The following CNTNAP2 variants were observed in gnomAD, a reference collection of about 807,000 sequenced individuals.
The protein encoded by CNTNAP2 is contactin associated protein 2, also known as contactin-associated protein-like 2.
Under a neutral mutation model 155.2 loss-of-function variants are expected in CNTNAP2, and 98 were observed. The observed-to-expected ratio is 0.63, with a 90% CI of 0.54 to 0.75. CNTNAP2 has a LOEUF of 0.75. CNTNAP2 is among the 30% of genes least tolerant of loss of function. CNTNAP2 has a pLI of 0.00. For synonymous variants in CNTNAP2, 651 were observed against 631.2 expected (o/e 1.03, Z -0.47); for missense variants, 1,727 against 1,688.1 (o/e 1.02, Z -0.40).
chr7:148,118,017 A>G, intron 15 of CNTNAP2, 101 bp from the exon 16 acceptor site: 1 of 1,242,938 alleles, frequency 8.0e-7, no homozygotes, highest in Non-Finnish European at 1.2e-6. Flanking sequence ...AATAATGACT[A>G]TTGCTAATGG....
At chr7:146,367,116 A>G (rs1033634828) in intron 1 of CNTNAP2, among the ~76,000 whole-genome samples, 1 of 152,146 alleles carries the variant, frequency 6.6e-6, no homozygotes, top group East Asian at 1.9e-4. Context: ...AGGAGAGTGC[A>G]TGATTTCATC....
At chr7:147,973,032 C>T (rs1020673733) in intron 14 of CNTNAP2, among the ~76,000 whole-genome samples, 1 of 151,976 alleles carries the variant, frequency 6.6e-6, no homozygotes, top group African/African-American at 2.4e-5. Context: ...TGGCATGCAC[C>T]TGTACTCCCA....
At chr7:147,528,461 A>G (rs931307470) in intron 11 of CNTNAP2, among the ~76,000 whole-genome samples, 1 of 152,176 alleles carries the variant, frequency 6.6e-6, no homozygotes, top group Non-Finnish European at 1.5e-5. Flanking sequence ...TCTGTCTCTC[A>G]CTTGGTCTCC....
chr7:147,754,052 T>A (rs888202183), intron 13 of CNTNAP2, among the ~76,000 whole-genome samples: 1 of 151,908 alleles, frequency 6.6e-6, no homozygotes, highest in South Asian at 2.1e-4. Context: ...CTAAATACAA[T>A]ACTGAGGCAA....
chr7:147,699,071 T>A (rs1796199562), intron 13 of CNTNAP2, among the ~76,000 whole-genome samples: 1 of 151,900 alleles, frequency 6.6e-6, no homozygotes, highest in Admixed American at 6.6e-5. Flanking sequence ...CTAATTCATA[T>A]GAGAGGAAAA....
chr7:148,230,710 T>C (rs1362396541), intron 20 of CNTNAP2, among the ~76,000 whole-genome samples: 1 of 152,202 alleles, frequency 6.6e-6, no homozygotes, highest in African/African-American at 2.4e-5. Context: ...GCGTGGCCTT[T>C]AGCAGTAAAT....
intron 1 of CNTNAP2, among the ~76,000 whole-genome samples, chr7:146,308,199 T>A (rs1221040533): frequency 6.6e-6 from 1 of 152,152 alleles, no homozygotes; most frequent in East Asian, 1.9e-4. Context: ...AAAGAAGACA[T>A]TTATGCAGCC....
At chr7:146,192,337 C>T (rs564590877) in intron 1 of CNTNAP2, among the ~76,000 whole-genome samples, 2 of 152,244 alleles carry the variant, frequency 1.3e-5, no homozygotes, top group East Asian at 3.9e-4. Context: ...CAACATACTG[C>T]TAAATCAGAA....
At chr7:147,802,564 A>G (rs1798019312) in intron 13 of CNTNAP2, among the ~76,000 whole-genome samples, 1 of 152,180 alleles carries the variant, frequency 6.6e-6, no homozygotes, top group South Asian at 2.1e-4. Flanking sequence ...ACTCGCGGTT[A>G]CGAGCTGGAG....
At chr7:147,051,596 A>G (rs1799474599) in intron 4 of CNTNAP2, among the ~76,000 whole-genome samples, 1 of 152,154 alleles carries the variant, frequency 6.6e-6, no homozygotes. Flanking sequence ...ACAAGAACTA[A>G]CATTTTCAAA....
intron 1 of CNTNAP2, among the ~76,000 whole-genome samples, chr7:146,334,632 A>C (rs1584874445): frequency 6.6e-6 from 1 of 152,074 alleles, no homozygotes; most frequent in Non-Finnish European, 1.5e-5. Context: ...CAAAGATGGA[A>C]TTCTTTCTAC....
At chr7:148,241,191 A>G (rs1340595999) in intron 20 of CNTNAP2, among the ~76,000 whole-genome samples, 1 of 152,202 alleles carries the variant, frequency 6.6e-6, no homozygotes, top group Non-Finnish European at 1.5e-5. Flanking sequence ...ATCTTTTCTA[A>G]TGCAGTTTGT....
At chr7:146,603,184 G>A (rs1445521929) in intron 1 of CNTNAP2, among the ~76,000 whole-genome samples, 1 of 151,332 alleles carries the variant, frequency 6.6e-6, no homozygotes, top group Non-Finnish European at 1.5e-5. Context: ...AGACCAAGGC[G>A]GGCGGATCAT....
chr7:146,311,190 A>C (rs948970827), intron 1 of CNTNAP2, among the ~76,000 whole-genome samples: 2 of 152,214 alleles, frequency 1.3e-5, no homozygotes, highest in African/African-American at 4.8e-5. Context: ...TGTGATTTCA[A>C]ATTTTACAAA....
chr7:146,163,190 G>A (rs1304749641), intron 1 of CNTNAP2, among the ~76,000 whole-genome samples: 2 of 151,868 alleles, frequency 1.3e-5, no homozygotes, highest in Non-Finnish European at 2.9e-5. Context: ...TAACATTAAA[G>A]CAATTGAATG....
intron 15 of CNTNAP2, among the ~76,000 whole-genome samples, chr7:148,094,060 T>TA (rs1022361927): frequency 1.9e-4 from 29 of 152,164 alleles, no homozygotes; most frequent in African/African-American, 6.5e-4. Flanking sequence ...ACCCAGTGGC[T>TA]AATATTACTT....
chr7:147,697,550 T>G (rs1796179922), intron 13 of CNTNAP2, among the ~76,000 whole-genome samples: 1 of 152,164 alleles, frequency 6.6e-6, no homozygotes, highest in African/African-American at 2.4e-5. Context: ...TTTTTGCCTT[T>G]ATTAATATAG....
At chr7:147,922,961 A>G (rs1346553464) in intron 14 of CNTNAP2, among the ~76,000 whole-genome samples, 2 of 151,406 alleles carry the variant, frequency 1.3e-5, no homozygotes, top group Admixed American at 6.7e-5. Flanking sequence ...TGTCCAGGTT[A>G]TAGGAGTTTC....
At chr7:147,353,085 A>G (rs1795995947) in intron 9 of CNTNAP2, among the ~76,000 whole-genome samples, 1 of 137,176 alleles carries the variant, frequency 7.3e-6, no homozygotes, top group Non-Finnish European at 1.6e-5. Flanking sequence ...AATTCTTTAT[A>G]TATATATATA....
Sources: allele counts gnomAD v4.1 joint callset (sites outside exome capture counted in the v4.1 genomes callset), GRCh38; gene constraint gnomAD v4.1.1; transcripts MANE v1.5; gene names NCBI Gene and HGNC (gene_info 2026-07-23, HGNC 2026-07-21).